PTPRK: variants seen among roughly 807,000 people sequenced by gnomAD.
PTPRK encodes the protein protein tyrosine phosphatase receptor type K.
In PTPRK, 75 loss-of-function variants were observed where a neutral mutation model predicts 178.0. The ratio of observed to expected loss-of-function variants is 0.42; its 90% CI spans 0.35 to 0.51. The LOEUF is 0.51. PTPRK is among the 20% of genes least tolerant of loss of function. The probability of loss-of-function intolerance (pLI) is 0.02; values close to 1 mark genes in which losing one functional copy is unlikely to be tolerated. For synonymous variants in PTPRK, 637 were observed against 620.6 expected (o/e 1.03, Z -0.39); for missense variants, 1,441 against 1,797.8 (o/e 0.80, Z 3.59).
chr6:128,136,696 T>C lies in PTPRK; in HGVS notation c.1163-46704A>G, dbSNP rs116207902. ...CATAATTCTGAAGTATTTTTATTGT[T>C]TTAAAACCACTATCTTATTTCTTTC... On this transcript the variant is annotated intron_variant, in intron 7 of 29. Transcript: ENST00000368226. Among the ~76,000 whole-genome samples the C allele has an allele frequency of 4.0e-3, 611 of 152,314 alleles. 7 individuals carry two copies. The highest frequency in any genetic ancestry group is 0.014 in the African/African-American group (584 of 41,562).
At chr6:128,326,205 T>C (rs535788794) in intron 2 of PTPRK, among the ~76,000 whole-genome samples, 1 of 152,184 alleles carries the variant, frequency 6.6e-6, no homozygotes, top group South Asian at 2.1e-4. Flanking sequence ...AAATACCTAA[T>C]GTAGACAACG....
intron 2 of PTPRK, among the ~76,000 whole-genome samples, chr6:128,393,023 T>G (rs1839814425): frequency 6.6e-6 from 1 of 152,042 alleles, no homozygotes; most frequent in African/African-American, 2.4e-5. Context: ...TTGACATTTT[T>G]GTCTAAGAAA....
chr6:128,144,643 G>A (rs1280342788), intron 7 of PTPRK, among the ~76,000 whole-genome samples: 2 of 151,726 alleles, frequency 1.3e-5, no homozygotes, highest in African/African-American at 4.8e-5. Context: ...AAATTCACAT[G>A]GCATTCTTAT....
At chr6:128,310,133 C>G (rs1281546174) in intron 3 of PTPRK, among the ~76,000 whole-genome samples, 1 of 152,160 alleles carries the variant, frequency 6.6e-6, no homozygotes, top group African/African-American at 2.4e-5. Flanking sequence ...TAAGCTTTTA[C>G]TTGGATAACA....
intron 5 of PTPRK, among the ~76,000 whole-genome samples, chr6:128,223,986 T>G (rs539750533): frequency 3.9e-5 from 6 of 152,208 alleles, no homozygotes; most frequent in Admixed American, 2.6e-4. Flanking sequence ...ATTGCTTTCT[T>G]TACTTGGCTT....
chr6:128,077,555 G>A (rs916665306), intron 11 of PTPRK, among the ~76,000 whole-genome samples: 16 of 149,972 alleles, frequency 1.1e-4, no homozygotes, highest in African/African-American at 3.3e-4. Context: ...ACGTGCTCAC[G>A]AAGTCAAATG....
rs199961149 is a variant in PTPRK, at chr6:128,005,203, C to T, written c.2375G>A (p.Arg792Gln). Residue 792 changes from arginine (R) to glutamine (Q), a missense_variant, in exon 15 of 30, where the codon CGG becomes CAG. Physicochemically the swap from Arg to Gln is conservative, Grantham distance 43 (BLOSUM62 1). Coordinates refer to ENST00000368226, the MANE Select transcript of PTPRK (RefSeq NM_002844.4). ...KKRKDAMGNT[R>Q]QEMTHMVNAM... is the part of the protein sequence containing the mutation. ...ATTCACCATGTGAGTCATCTCCTGC[C>T]GGGTATTCCCCATGGCATCTTTGCG... The T allele has an allele frequency of 5.0e-6, 8 of 1,611,354 alleles. No individual in the cohort carries two copies. In the Admixed American group the frequency reaches 6.7e-5, roughly 13 times the overall value.
chr6:128,379,443 T>C (rs1230029475), intron 2 of PTPRK, among the ~76,000 whole-genome samples: 2 of 152,162 alleles, frequency 1.3e-5, no homozygotes, highest in South Asian at 4.1e-4. Context: ...TTCAACTGTT[T>C]TCAAAGTATG....
Position 128,067,537 on chromosome 6 carries a change from C to T in PTPRK, c.2139G>A (p.Ala713=), listed in dbSNP as rs144664054. 3.6e-4 allele frequency: 569 copies of T among 1,563,558 alleles called. 3 individuals carry two copies. Among genetic ancestry groups the T allele is most frequent in the Non-Finnish European group, 4.6e-4 (525 of 1,148,040 alleles). ...AGCTCACCTTCTCCACACTGCTCATCGCCTGGAAATAGATGTTGTATCCTT... is the reference window on the plus strand; with the variant it reads ...AGCTCACCTTCTCCACACTGCTCATTGCCTGGAAATAGATGTTGTATCCTT... ...PRKGYNIYFQ[A]MSSVEKETKT... is the part of the protein sequence containing the mutation. Residue 713 remains alanine (A), a synonymous_variant, in exon 12 of 30, where the codon GCG becomes GCA. Coordinates refer to ENST00000368226, the MANE Select transcript of PTPRK (RefSeq NM_002844.4).
At chr6:128,003,310 T>C (rs1218059524) in intron 15 of PTPRK, 6 of 1,255,810 alleles carry the variant, frequency 4.8e-6, no homozygotes, top group Non-Finnish European at 5.6e-6. Flanking sequence ...TAAAATAGAT[T>C]TATGCTTTCT....
At chr6:128,273,561 C>T (rs543427499) in intron 3 of PTPRK, among the ~76,000 whole-genome samples, 1 of 152,048 alleles carries the variant, frequency 6.6e-6, no homozygotes, top group African/African-American at 2.4e-5. Flanking sequence ...ATTATGAACC[C>T]GAATCTCCAA....
intron 7 of PTPRK, among the ~76,000 whole-genome samples, chr6:128,108,515 A>C (rs1049831886): frequency 1.3e-5 from 2 of 152,186 alleles, no homozygotes; most frequent in Non-Finnish European, 2.9e-5. Flanking sequence ...GGGATTGAAT[A>C]ATGTATTGAT....
chr6:128,107,893 G>A (rs1789982811), intron 7 of PTPRK, among the ~76,000 whole-genome samples: 1 of 152,068 alleles, frequency 6.6e-6, no homozygotes, highest in Admixed American at 6.6e-5. Context: ...ACATGCCAAG[G>A]ACTGTGTCAC....
intron 6 of PTPRK, among the ~76,000 whole-genome samples, chr6:128,192,879 G>A (rs1804076306): frequency 6.8e-6 from 1 of 147,426 alleles, no homozygotes; most frequent in Non-Finnish European, 1.5e-5. Flanking sequence ...GGGGAGGGGA[G>A]GAGAGGGAGG....
intron 1 of PTPRK, among the ~76,000 whole-genome samples, chr6:128,421,003 G>A (rs1431715755): frequency 6.6e-6 from 1 of 152,214 alleles, no homozygotes. Context: ...TTGCCAGCAT[G>A]TCTTAAATAT....
At chr6:128,042,895 T>C (rs1225089059) in intron 13 of PTPRK, among the ~76,000 whole-genome samples, 2 of 152,156 alleles carry the variant, frequency 1.3e-5, no homozygotes, top group East Asian at 3.9e-4. Flanking sequence ...ATAATGTCAT[T>C]ATCAAGTATT....
At chr6:128,511,760 T>C (rs1407120474) in intron 1 of PTPRK, among the ~76,000 whole-genome samples, 1 of 152,220 alleles carries the variant, frequency 6.6e-6, no homozygotes, top group Non-Finnish European at 1.5e-5. Context: ...TGTACATTCA[T>C]TAACGAATCT....
chr6:128,023,804 C>G (rs1338945526), intron 13 of PTPRK, among the ~76,000 whole-genome samples: 1 of 151,642 alleles, frequency 6.6e-6, no homozygotes, highest in Non-Finnish European at 1.5e-5. Context: ...TAGGGACATG[C>G]CACTATGCCT....
chr6:128,134,425 T>A (rs1381671070), intron 7 of PTPRK, among the ~76,000 whole-genome samples: 1 of 152,220 alleles, frequency 6.6e-6, no homozygotes. Flanking sequence ...GTGATAGTTT[T>A]ATGCGTCAGC....
Sources: gnomAD v4.1 joint callset for allele counts (sites outside exome capture counted in the v4.1 genomes callset) on GRCh38, gnomAD v4.1.1 for gene constraint, MANE v1.5 for transcripts, NCBI Gene and HGNC (gene_info 2026-07-23, HGNC 2026-07-21) for gene names.